CLEC2A: variants seen among roughly 807,000 people sequenced by gnomAD.
CLEC2A encodes keratinocyte-associated C-type lectin.
CLEC2A carries 19 observed loss-of-function variants against 18.6 expected under a neutral mutation model. The ratio of observed to expected loss-of-function variants is 1.02; its 90% CI spans 0.71 to 1.50. The LOEUF (loss-of-function observed/expected upper bound fraction) is 1.50. Ranked by LOEUF, CLEC2A falls within the 40% of genes most tolerant of loss-of-function variation. CLEC2A has a pLI of 0.00. For synonymous variants in CLEC2A, 74 were observed against 64.0 expected (o/e 1.16, Z -0.75); for missense variants, 190 against 207.9 (o/e 0.91, Z 0.53).
At chr12:9,914,128 A>G (rs1863031152) in intron 4 of CLEC2A, among the ~76,000 whole-genome samples, 1 of 152,228 alleles carries the variant, frequency 6.6e-6, no homozygotes, top group African/African-American at 2.4e-5. Context: ...AAAAGTAAAA[A>G]TAAGATTTAT....
At chr12:9,920,714 C>A (rs1041724506) in intron 3 of CLEC2A, among the ~76,000 whole-genome samples, 102 of 152,298 alleles carry the variant, frequency 6.7e-4, no homozygotes, top group African/African-American at 2.4e-3. Context: ...CACTCTCCAA[C>A]CCCCAGCTTT....
the CLEC2A span, chr12:9,893,409 A>G: frequency 1.8e-6 from 2 of 1,127,254 alleles, no homozygotes; most frequent in Non-Finnish European, 2.5e-6. Flanking sequence ...GAATGAATAA[A>G]TGCACTATTT....
At chr12:9,923,363 CA>C (rs1254647056) in intron 2 of CLEC2A, among the ~76,000 whole-genome samples, 1 of 152,166 alleles carries the variant, frequency 6.6e-6, no homozygotes, top group African/African-American at 2.4e-5. Flanking sequence ...AAATGCAAAT[CA>C]AAACCACAAT....
chr12:9,884,251 C>T, the CLEC2A span, among the ~76,000 whole-genome samples: 1 of 152,004 alleles, frequency 6.6e-6, no homozygotes, highest in African/African-American at 2.4e-5. Context: ...GCTATTCTTG[C>T]CAACTCTAAT....
the CLEC2A span, among the ~76,000 whole-genome samples, chr12:9,885,570 C>T: frequency 9.2e-5 from 14 of 151,852 alleles, no homozygotes; most frequent in African/African-American, 3.4e-4. Flanking sequence ...GATGAGATTT[C>T]TAAAAATAGG....
chr12:9,881,833 A>C, the CLEC2A span, among the ~76,000 whole-genome samples: 1 of 152,178 alleles, frequency 6.6e-6, no homozygotes, highest in Non-Finnish European at 1.5e-5. Flanking sequence ...TCAACAATAA[A>C]AAGTCTGCAT....
At chr12:9,927,381 G>A (rs1040515375) in intron 1 of CLEC2A, among the ~76,000 whole-genome samples, 5 of 152,270 alleles carry the variant, frequency 3.3e-5, no homozygotes, top group Admixed American at 2.6e-4. Context: ...GACCATTGTT[G>A]TTATGCAATC....
chr12:9,890,598 T>A, the CLEC2A span, among the ~76,000 whole-genome samples: 5 of 152,204 alleles, frequency 3.3e-5, no homozygotes, highest in Admixed American at 3.3e-4. Context: ...ACAGGAGTTA[T>A]CTCTCTCTTC....
chr12:9,898,820 A>T lies in CLEC2A; in HGVS notation c.*84T>A. The T allele has an allele frequency of 9.0e-6, 6 of 663,912 alleles. No individual in the cohort carries two copies. The South Asian group carries it at 9.5e-5, about 10-fold the overall frequency. The allele number at this position is 663,912 out of a possible 1,614,324, so 41.1% of individuals were successfully genotyped here. On this transcript the variant is annotated 3_prime_UTR_variant, in exon 5 of 5. Coordinates refer to the CLEC2A transcript ENST00000339766. Reference sequence around the variant, plus strand: ...ACATCTAACTGCCGTTATATTAAGGATAAGGATGAAGACAGATTTAACTGC... The same window carrying T: ...ACATCTAACTGCCGTTATATTAAGGTTAAGGATGAAGACAGATTTAACTGC...
At chr12:9,890,885 A>G in the CLEC2A span, among the ~76,000 whole-genome samples, 1 of 152,236 alleles carries the variant, frequency 6.6e-6, no homozygotes, top group African/African-American at 2.4e-5. Context: ...CGCAATTCCT[A>G]ACAAAGCTAG....
At chr12:9,914,375 T>A (rs1863035358) in intron 4 of CLEC2A, among the ~76,000 whole-genome samples, 1 of 152,182 alleles carries the variant, frequency 6.6e-6, no homozygotes, top group Admixed American at 6.5e-5. Context: ...TTAAATTTCA[T>A]ATGAAACCAA....
chr12:9,930,729 C>T (rs1033593830), intron 1 of CLEC2A, among the ~76,000 whole-genome samples: 3 of 151,904 alleles, frequency 2.0e-5, no homozygotes, highest in African/African-American at 7.2e-5. Flanking sequence ...TTCCTATCCG[C>T]TATTCTTTTT....
At chr12:9,894,191 CTTTT>C (rs1186634242), downstream of CLEC2A, among the ~76,000 whole-genome samples, 3 of 113,918 alleles carry the variant, frequency 2.6e-5, no homozygotes, top group Admixed American at 9.6e-5. Flanking sequence ...TTCTTTCTTT[CTTTT>C]TTTTTCAGCA....
downstream of CLEC2A, among the ~76,000 whole-genome samples, chr12:9,894,550 A>C (rs557401025): frequency 6.6e-6 from 1 of 152,316 alleles, no homozygotes; most frequent in South Asian, 2.1e-4. Flanking sequence ...TATGTGAACA[A>C]CATGAGGTGT....
intron 3 of CLEC2A, among the ~76,000 whole-genome samples, chr12:9,917,459 A>G (rs1863091289): frequency 6.6e-6 from 1 of 152,218 alleles, no homozygotes; most frequent in African/African-American, 2.4e-5. Flanking sequence ...TAGGCACTGA[A>G]CAAACTTCTG....
chr12:9,928,703 T>C (rs1277560590), intron 1 of CLEC2A, among the ~76,000 whole-genome samples: 1 of 152,066 alleles, frequency 6.6e-6, no homozygotes, highest in East Asian at 1.9e-4. Context: ...AACAAATACT[T>C]ACAGAAGAAT....
At chr12:9,919,867 A>G (rs144888966) in intron 3 of CLEC2A, among the ~76,000 whole-genome samples, 2 of 152,288 alleles carry the variant, frequency 1.3e-5, no homozygotes, top group Non-Finnish European at 2.9e-5. Context: ...GAACACCTGT[A>G]GGAGGCAGCT....
rs1481036380 is a variant in CLEC2A, at chr12:9,913,337, G to A, written c.*229C>T. On this transcript the variant is annotated 3_prime_UTR_variant, in exon 5 of 5. Transcript: ENST00000455827. Reference sequence around the variant, plus strand: ...CATCAGGAGGTGATTAGTTCATGAGGATGGAGCCATAGTAAATGTGATTGT... The same window carrying A: ...CATCAGGAGGTGATTAGTTCATGAGAATGGAGCCATAGTAAATGTGATTGT... 3 of 570,420 alleles carry A rather than the reference G, an allele frequency of 5.3e-6. No individual in the cohort carries two copies. The highest frequency in any genetic ancestry group is 2.7e-6 in the Non-Finnish European group (1 of 364,906). 35.3% of individuals were successfully genotyped at this position (570,420 alleles called of 1,614,324 possible).
intron 1 of CLEC2A, among the ~76,000 whole-genome samples, chr12:9,931,576 C>T (rs1304208939): frequency 6.6e-6 from 1 of 152,126 alleles, no homozygotes; most frequent in Non-Finnish European, 1.5e-5. Flanking sequence ...ATCAGGCTTA[C>T]TTATTATTAA....
Sources: gnomAD v4.1 joint callset for allele counts (sites outside exome capture counted in the v4.1 genomes callset) on GRCh38, gnomAD v4.1.1 for gene constraint, MANE v1.5 for transcripts, NCBI Gene and HGNC (gene_info 2026-07-23, HGNC 2026-07-21) for gene names.